ST7: variants seen among roughly 807,000 people sequenced by gnomAD.
The protein encoded by ST7 is suppressor of tumorigenicity 7 protein.
A neutral mutation model predicts 78.7 loss-of-function variants in ST7; 28 were observed. The observed-to-expected ratio is 0.36, with a 90% CI of 0.26 to 0.49. The LOEUF is 0.49. Ranked by LOEUF, ST7 falls within the 20% of genes least tolerant of loss-of-function variation. The probability of loss-of-function intolerance (pLI) is 0.99; values close to 1 mark genes in which losing one functional copy is unlikely to be tolerated. For synonymous variants in ST7, 247 were observed against 249.6 expected (o/e 0.99, Z 0.10); for missense variants, 418 against 696.0 (o/e 0.60, Z 4.49).
intron 1 of ST7, among the ~76,000 whole-genome samples, chr7:117,025,485 G>A (rs1365495170): frequency 3.6e-4 from 55 of 151,984 alleles, no homozygotes; most frequent in Non-Finnish European, 1.0e-4. Context: ...TAGCTGCATC[G>A]GATTTTAGAT....
intron 13 of ST7, among the ~76,000 whole-genome samples, chr7:117,216,571 G>A (rs192672310): frequency 6.6e-6 from 1 of 152,248 alleles, no homozygotes; most frequent in African/African-American, 2.4e-5. Flanking sequence ...TGGAGCAGTT[G>A]CATGTCTTAG....
chr7:116,966,223 A>G (rs531328967), intron 1 of ST7: 1 of 248,328 alleles, frequency 4.0e-6, no homozygotes, highest in Admixed American at 5.3e-5. Context: ...TCCGTAATAT[A>G]TGTTGCTTTT....
intron 9 of ST7, among the ~76,000 whole-genome samples, chr7:117,156,858 G>A (rs1264582542): frequency 1.2e-4 from 19 of 152,198 alleles, no homozygotes; most frequent in Admixed American, 1.2e-3. Flanking sequence ...GAGTAATGGT[G>A]TGAGATAACC....
At chr7:117,163,792 T>C (rs1338209033) in intron 9 of ST7, among the ~76,000 whole-genome samples, 2 of 152,190 alleles carry the variant, frequency 1.3e-5, no homozygotes, top group African/African-American at 4.8e-5. Flanking sequence ...TATTTATAAA[T>C]AGGACATAAT....
chr7:116,988,789 T>G (rs1794295517), intron 1 of ST7, among the ~76,000 whole-genome samples: 1 of 152,366 alleles, frequency 6.6e-6, no homozygotes, highest in East Asian at 1.9e-4. Flanking sequence ...TTGAATTGAC[T>G]ATCCAACTTG....
chr7:117,027,461 G>GT (rs1486330876), intron 1 of ST7, among the ~76,000 whole-genome samples: 3 of 91,594 alleles, frequency 3.3e-5, no homozygotes, highest in South Asian at 3.6e-4. Context: ...GTAAAGTAAA[G>GT]TAAAAGTAAA....
In ST7 at chr7:116,979,958, C is replaced by CTTTTTTTTTTTTTTTTTTTTTTTTT. The variant is rs745530832; in HGVS notation, c.151+26284_151+26285insTTTTTTTTTTTTTTTTTTTTTTTTT. On this transcript the variant is annotated intron_variant, in intron 1 of 15. Transcript: ENST00000323984. The stretch of plus-strand genomic sequence containing the variant: ...CCTTTTTTCTTTTTCTTTTGTTTCT[C>CTTTTTTTTTTTTTTTTTTTTTTTTT]TTTTTTTTTTTTTTTTTGGAGACAG... Among the ~76,000 whole-genome samples the CTTTTTTTTTTTTTTTTTTTTTTTTT allele has an allele frequency of 1.4e-3, 118 of 86,226 alleles. 3 individuals carry two copies. Among genetic ancestry groups the CTTTTTTTTTTTTTTTTTTTTTTTTT allele is most frequent in the Admixed American group, 2.2e-3 (11 of 5,110 alleles). The allele number at this position is 86,226 out of a possible 152,430, so 56.6% of individuals were successfully genotyped here.
chr7:117,075,788 C>T (rs914095034), intron 1 of ST7, among the ~76,000 whole-genome samples: 2 of 152,214 alleles, frequency 1.3e-5, no homozygotes, highest in African/African-American at 4.8e-5. Context: ...CAAGATATCT[C>T]ATTTTGAAAC....
intron 2 of ST7, among the ~76,000 whole-genome samples, chr7:117,118,927 C>T (rs757288658): frequency 2.6e-5 from 4 of 152,182 alleles, no homozygotes; most frequent in African/African-American, 9.7e-5. Flanking sequence ...AACTAGGAAA[C>T]ATTAATGGTG....
At chr7:117,006,333 T>C (rs976717995) in intron 1 of ST7, among the ~76,000 whole-genome samples, 1 of 152,228 alleles carries the variant, frequency 6.6e-6, no homozygotes, top group Non-Finnish European at 1.5e-5. Context: ...CACCAGTCAG[T>C]AGCAGTGTAG....
chr7:117,028,628 T>G (rs1373460524), intron 1 of ST7, among the ~76,000 whole-genome samples: 2 of 152,204 alleles, frequency 1.3e-5, no homozygotes, highest in Non-Finnish European at 2.9e-5. Flanking sequence ...GATGTTTCAG[T>G]TACCCATTGC....
chr7:117,070,027 A>G (rs993367401), intron 1 of ST7, among the ~76,000 whole-genome samples: 4 of 152,254 alleles, frequency 2.6e-5, no homozygotes, highest in African/African-American at 9.6e-5. Flanking sequence ...AAGGCATGGC[A>G]TGTTTAAATT....
rs2115861512 is a variant in ST7, at chr7:117,005,527, T to C, written c.151+51836T>C. Among the ~76,000 whole-genome samples the C allele has an allele frequency of 2.0e-5, 3 of 152,352 alleles. No homozygotes were observed. The South Asian group carries it at 6.2e-4, about 32-fold the overall frequency. On this transcript the variant is annotated intron_variant, in intron 1 of 15. Transcript: ENST00000323984. ...ACAAATAGTTATGTGTGTCAGGTTT[T>C]AATGAAATGCTAAAGGACATTACTA...
At chr7:117,087,599 C>A (rs2116662128) in intron 1 of ST7, among the ~76,000 whole-genome samples, 1 of 152,266 alleles carries the variant, frequency 6.6e-6, no homozygotes, top group South Asian at 2.1e-4. Context: ...CTAACTCATT[C>A]AATGCCATTT....
intron 1 of ST7, among the ~76,000 whole-genome samples, chr7:117,069,957 T>G (rs971321937): frequency 1.3e-5 from 2 of 152,238 alleles, no homozygotes; most frequent in African/African-American, 4.8e-5. Context: ...AATATATCCG[T>G]GATTACTTTA....
At chr7:116,955,020 C>T (rs142605636) in intron 1 of ST7, 52 of 436,624 alleles carry the variant, frequency 1.2e-4, no homozygotes, top group African/African-American at 9.9e-4. Flanking sequence ...ATTCAGCACT[C>T]TAGAATTGTC....
chr7:117,152,706 T>C (rs542186208), intron 9 of ST7, among the ~76,000 whole-genome samples: 1 of 152,312 alleles, frequency 6.6e-6, no homozygotes, highest in African/African-American at 2.4e-5. Flanking sequence ...TGCTGTGATA[T>C]GGGCTGTATA....
At chr7:116,995,686 A>T (rs1794620525) in intron 1 of ST7, among the ~76,000 whole-genome samples, 1 of 152,202 alleles carries the variant, frequency 6.6e-6, no homozygotes, top group Admixed American at 6.5e-5. Flanking sequence ...AACTTTGAGT[A>T]TGTCCAGGAA....
At chr7:117,018,415 A>G (rs1275615852) in intron 1 of ST7, among the ~76,000 whole-genome samples, 2 of 152,084 alleles carry the variant, frequency 1.3e-5, no homozygotes, top group Non-Finnish European at 1.5e-5. Context: ...TTGAAGGTAT[A>G]CATTTTTATT....
Sources: gnomAD v4.1 joint callset for allele counts (sites outside exome capture counted in the v4.1 genomes callset) on GRCh38, gnomAD v4.1.1 for gene constraint, MANE v1.5 for transcripts, NCBI Gene and HGNC (gene_info 2026-07-23, HGNC 2026-07-21) for gene names.